The following AK4 variants were observed in gnomAD, a reference collection of about 807,000 sequenced individuals.
AK4 encodes the protein adenylate kinase 4, also known as adenylate kinase 4, mitochondrial.
Under a neutral mutation model 24.6 loss-of-function variants are expected in AK4, and 13 were observed. The ratio of observed to expected loss-of-function variants is 0.53; its 90% CI spans 0.34 to 0.84. AK4 has a LOEUF of 0.84. AK4 is among the 40% of genes least tolerant of loss of function. The probability of loss-of-function intolerance (pLI) is 0.01; values close to 1 mark genes in which losing one functional copy is unlikely to be tolerated. For missense variants in AK4, 192 were observed against 288.2 expected (o/e 0.67, Z 2.42); for synonymous variants, 88 against 107.0 (o/e 0.82, Z 1.10).
chr1:65,174,954 A>G (rs933292325), intron 1 of AK4, among the ~76,000 whole-genome samples: 6 of 152,198 alleles, frequency 3.9e-5, no homozygotes, highest in Non-Finnish European at 7.3e-5. Flanking sequence ...TTTTATGGAT[A>G]TCTATTTTTA....
At chr1:65,180,779 C>T (rs1461572342) in intron 1 of AK4, among the ~76,000 whole-genome samples, 1 of 152,156 alleles carries the variant, frequency 6.6e-6, no homozygotes, top group African/African-American at 2.4e-5. Flanking sequence ...CATCTTTGAC[C>T]AGGCCCCTTG....
intron 1 of AK4, among the ~76,000 whole-genome samples, chr1:65,152,360 C>CTCTCTCTCTCTA (rs1277948363): frequency 7.2e-5 from 2 of 27,960 alleles, no homozygotes; most frequent in African/African-American, 1.1e-4. Context: ...CTCTCTCTCT[C>CTCTCTCTCTCTA]TATATATATA....
chr1:65,156,445 GTTTAC>G (rs1179956536), intron 1 of AK4, among the ~76,000 whole-genome samples: 7 of 152,128 alleles, frequency 4.6e-5, no homozygotes, highest in Admixed American at 1.3e-4. Context: ...GCATGTATCA[GTTTAC>G]TTTATTCTTT....
intron 3 of AK4, among the ~76,000 whole-genome samples, chr1:65,222,960 C>T (rs1265400328): frequency 6.6e-6 from 1 of 151,566 alleles, no homozygotes; most frequent in Non-Finnish European, 1.5e-5. Flanking sequence ...AGGCATGATT[C>T]CTGGGGAGAT....
intron 1 of AK4, among the ~76,000 whole-genome samples, chr1:65,152,312 T>TGCTC (rs1267177289): frequency 9.5e-6 from 1 of 105,114 alleles, no homozygotes; most frequent in African/African-American, 3.8e-5. Flanking sequence ...TTTCTGCACT[T>TGCTC]GCTATCTCTC....
Position 65,172,063 on chromosome 1 carries a change from G to GTATA in AK4, c.146-18609_146-18606dup, listed in dbSNP as rs3051712. On this transcript the variant is annotated intron_variant, in intron 1 of 4. Coordinates refer to ENST00000327299, the MANE Select transcript of AK4 (RefSeq NM_013410.4). ...GCAACAGAGAGAGACTCCATCTCAA[G>GTATA]TATATATATATATATATATATATAT... Among the ~76,000 whole-genome samples the GTATA allele has an allele frequency of 4.8e-3, 318 of 65,684 alleles. 10 individuals are homozygous for GTATA. The highest frequency in any genetic ancestry group is 9.3e-3 in the Middle Eastern group (1 of 108). 43.1% of individuals were successfully genotyped at this position (65,684 alleles called of 152,430 possible). A position where few individuals can be genotyped will look rare whatever the true frequency, so the allele number is the denominator to read the frequency against.
chr1:65,158,919 A>G (rs1227056948), intron 1 of AK4, among the ~76,000 whole-genome samples: 1 of 152,220 alleles, frequency 6.6e-6, no homozygotes, highest in African/African-American at 2.4e-5. Context: ...CCTTTAAGAC[A>G]TAGTACAAAA....
chr1:65,167,982 T>A (rs1056685423), intron 1 of AK4, among the ~76,000 whole-genome samples: 3 of 152,118 alleles, frequency 2.0e-5, no homozygotes, highest in African/African-American at 7.2e-5. Context: ...TGTCTTTTTT[T>A]CCCCAAGAAA....
rs1652463355 is a variant in AK4, at chr1:65,226,382, ATGTTTAAGG to A, written c.*209_*217del. On this transcript the variant is annotated 3_prime_UTR_variant, in exon 5 of 5. Coordinates refer to ENST00000327299, the MANE Select transcript of AK4 (RefSeq NM_013410.4). ...CTTTCAAAAGGCTGGTCACCTACAC[ATGTTTAAGG>A]TGTCTCTGCACATGTCTCAAGCCCA... The A allele has an allele frequency of 1.5e-6, 1 of 687,864 alleles. No homozygotes were observed. Among genetic ancestry groups the A allele is most frequent in the Non-Finnish European group, 2.3e-6 (1 of 427,304 alleles). The allele number at this position is 687,864 out of a possible 1,614,324, so 42.6% of individuals were successfully genotyped here.
rs374922038 is a variant in AK4, at chr1:65,190,806, G to C, written c.242G>C (p.Arg81Pro). ...ATGATGTCCGAGTTGGAGAACAGGC[G>C]TGGCCAGCACTGGCTCCTTGATGGT... ...RLMMSELENR[R>P]GQHWLLDGFP... is the part of the protein sequence containing the mutation. The change falls in exon 2 of 5, where the codon CGT (arginine) becomes CCT (proline). Residue 81 changes from arginine (R) to proline (P), a missense_variant. Arg to Pro is a moderately radical substitution (Grantham distance 103). Coordinates refer to ENST00000327299, the MANE Select transcript of AK4 (RefSeq NM_013410.4). 1.2e-6 allele frequency: 2 copies of C among 1,614,068 alleles called. No homozygotes were observed. The highest frequency in any genetic ancestry group is 1.7e-6 in the Non-Finnish European group (2 of 1,179,974).
chr1:65,156,612 A>ACATATATAG (rs1649992713), intron 1 of AK4, among the ~76,000 whole-genome samples: 1 of 152,110 alleles, frequency 6.6e-6, no homozygotes, highest in Non-Finnish European at 1.5e-5. Context: ...ATAGATGTTA[A>ACATATATAG]ATGGATTTGA....
chr1:65,174,024 C>T lies in AK4; in HGVS notation c.146-16686C>T, dbSNP rs529382437. The stretch of plus-strand genomic sequence containing the variant: ...ACACCCCTTCAGCCACTGCCTGCCC[C>T]TCCCCTGGCTTAGGTTCAGCTCACT... On this transcript the variant is annotated intron_variant, in intron 1 of 4. Coordinates refer to ENST00000327299, the MANE Select transcript of AK4 (RefSeq NM_013410.4). Among the ~76,000 whole-genome samples the T allele has an allele frequency of 3.3e-5, 5 of 152,304 alleles. No individual in the cohort carries two copies. The East Asian group carries it at 9.6e-4, about 29-fold the overall frequency.
intron 1 of AK4, among the ~76,000 whole-genome samples, chr1:65,159,958 G>T (rs1434299570): frequency 7.9e-6 from 1 of 126,472 alleles, no homozygotes; most frequent in Non-Finnish European, 1.6e-5. Context: ...ACAGCGCCGA[G>T]ACTATGTCTC....
intron 1 of AK4, among the ~76,000 whole-genome samples, chr1:65,150,111 C>CT (rs1649716382): frequency 6.6e-6 from 1 of 152,080 alleles, no homozygotes; most frequent in African/African-American, 2.4e-5. Context: ...TACTTGGTGA[C>CT]TTGTTTCCTT....
intron 1 of AK4, among the ~76,000 whole-genome samples, chr1:65,181,400 CTTT>C (rs111683862): frequency 7.0e-6 from 1 of 142,460 alleles, no homozygotes; most frequent in Non-Finnish European, 1.5e-5. Flanking sequence ...AGAATTAAGC[CTTT>C]TTTTTTTTTT....
intron 1 of AK4, among the ~76,000 whole-genome samples, chr1:65,163,752 A>T (rs1383478709): frequency 1.3e-5 from 2 of 152,226 alleles, no homozygotes; most frequent in South Asian, 2.1e-4. Flanking sequence ...TTTTATTATT[A>T]CTCAAATCAA....
chr1:65,212,253 G>A (rs1366427849), intron 2 of AK4, among the ~76,000 whole-genome samples: 2 of 152,036 alleles, frequency 1.3e-5, no homozygotes, highest in Non-Finnish European at 2.9e-5. Context: ...ATGATGCCCT[G>A]CTTTTTAGGT....
At chr1:65,169,694 C>T (rs936434340) in intron 1 of AK4, among the ~76,000 whole-genome samples, 8 of 152,030 alleles carry the variant, frequency 5.3e-5, no homozygotes, top group African/African-American at 9.7e-5. Flanking sequence ...GAACAACATA[C>T]CAAAATTTCA....
chr1:65,150,177 A>T (rs747955337), intron 1 of AK4, among the ~76,000 whole-genome samples: 1 of 152,070 alleles, frequency 6.6e-6, no homozygotes, highest in African/African-American at 2.4e-5. Flanking sequence ...AGCCCTTTCC[A>T]TGTTTAAAGA....
Sources: allele counts gnomAD v4.1 joint callset (sites outside exome capture counted in the v4.1 genomes callset), GRCh38; gene constraint gnomAD v4.1.1; transcripts MANE v1.5; gene names NCBI Gene and HGNC (gene_info 2026-07-23, HGNC 2026-07-21).